PPP2R5C: variants seen among roughly 807,000 people sequenced by gnomAD.
The protein encoded by PPP2R5C is protein phosphatase 2 regulatory subunit B'gamma.
PPP2R5C carries 7 observed loss-of-function variants against 68.9 expected under a neutral mutation model. The observed-to-expected ratio is 0.10, with a 90% CI of 0.06 to 0.19. PPP2R5C has a LOEUF of 0.19. Among genes scored for constraint, PPP2R5C ranks in the 10% least tolerant of loss-of-function variants. PPP2R5C has a pLI of 1.00. For synonymous variants in PPP2R5C, 210 were observed against 222.2 expected (o/e 0.95, Z 0.49); for missense variants, 348 against 641.3 (o/e 0.54, Z 4.94).
At chr14:101,892,398 G>T (rs4900519) in intron 6 of PPP2R5C, among the ~76,000 whole-genome samples, 2 of 139,436 alleles carry the variant, frequency 1.4e-5, no homozygotes, top group Non-Finnish European at 3.1e-5. Context: ...GGGGGGTGGG[G>T]GGGGTCCCAC....
chr14:101,847,524 TA>T (rs2041904118), intron 1 of PPP2R5C, among the ~76,000 whole-genome samples: 1 of 152,198 alleles, frequency 6.6e-6, no homozygotes, highest in Non-Finnish European at 1.5e-5. Context: ...CATATTCTGG[TA>T]GTTTTCTTTT....
chr14:101,797,534 G>C lies in PPP2R5C; in HGVS notation c.259+11351G>C, dbSNP rs1031928325. On this transcript the variant is annotated intron_variant, in intron 3 of 14. Coordinates refer to the PPP2R5C transcript ENST00000328724. This position sits in a 1 kb window ranked among gnomAD's most constrained non-coding sequence, Gnocchi z 4.2. ...CGAGATGGTTGTGGTGTCACCTCTCGTGGGGTGGCCAAAACCCCAGCCAGG... is the reference window on the plus strand; with the variant it reads ...CGAGATGGTTGTGGTGTCACCTCTCCTGGGGTGGCCAAAACCCCAGCCAGG... 3.4e-6 allele frequency: 1 copy of C among 291,424 alleles called. No homozygotes were observed. Among genetic ancestry groups the C allele is most frequent in the South Asian group, 2.9e-5 (1 of 34,782 alleles). The allele number at this position is 291,424 out of a possible 1,614,324, so 18.1% of individuals were successfully genotyped here. A position where few individuals can be genotyped will look rare whatever the true frequency, so the allele number is the denominator to read the frequency against.
In PPP2R5C at chr14:101,887,107, T is replaced by C. The variant is rs191742788; in HGVS notation, c.630-3130T>C. On this transcript the variant is annotated intron_variant, in intron 5 of 13. Transcript: ENST00000334743. ...CATTTTGAACATATTTGGCTCAACT[T>C]AACTGAAAATGTAAATATAAGGTTG... 2.2e-3 allele frequency among the ~76,000 whole-genome samples: 333 copies of C among 152,366 alleles called. 4 individuals are homozygous for C. The highest frequency in any genetic ancestry group is 7.9e-3 in the African/African-American group (327 of 41,594).
upstream of PPP2R5C, among the ~76,000 whole-genome samples, chr14:101,806,560 C>A (rs1461905566): frequency 6.6e-6 from 1 of 152,156 alleles, no homozygotes; most frequent in African/African-American, 2.4e-5. Flanking sequence ...AATAGTGGCA[C>A]AATTTTTAGA....
exon 14 of PPP2R5C, chr14:101,925,741 G>A (rs1329929362): frequency 6.5e-6 from 1 of 153,004 alleles, no homozygotes; most frequent in Admixed American, 6.5e-5. Context: ...AGCAGTTCTC[G>A]TTTTGTTTGT....
chr14:101,886,222 A>G (rs938295822), intron 5 of PPP2R5C, among the ~76,000 whole-genome samples: 3 of 151,902 alleles, frequency 2.0e-5, no homozygotes, highest in Non-Finnish European at 2.9e-5. Context: ...CGGAGCTTAC[A>G]GTGAGCCGAG....
chr14:101,816,135 C>T (rs537074264), intron 1 of PPP2R5C, among the ~76,000 whole-genome samples: 2 of 152,312 alleles, frequency 1.3e-5, no homozygotes, highest in Admixed American at 6.5e-5. Context: ...GCTGAGCAGA[C>T]GTTATACCCA....
At chr14:101,790,661 G>C (rs138460469) in intron 3 of PPP2R5C, among the ~76,000 whole-genome samples, 33 of 152,330 alleles carry the variant, frequency 2.2e-4, no homozygotes, top group African/African-American at 7.2e-4. Context: ...TTCTTAGCTG[G>C]TATGAGTAAC....
upstream of PPP2R5C, among the ~76,000 whole-genome samples, chr14:101,806,097 T>A (rs564648279): frequency 2.4e-3 from 359 of 152,312 alleles, 3 homozygotes; most frequent in Middle Eastern, 0.014. Context: ...TTTTATTTTT[T>A]TGTTTTTATT....
intron 2 of PPP2R5C, among the ~76,000 whole-genome samples, chr14:101,880,612 G>A (rs925355290): frequency 3.9e-5 from 6 of 152,130 alleles, no homozygotes; most frequent in Non-Finnish European, 8.8e-5. Context: ...CATGGGCAAC[G>A]TAGCGAGTTC....
chr14:101,894,269 C>T (rs1263766557), intron 7 of PPP2R5C, among the ~76,000 whole-genome samples: 1 of 152,120 alleles, frequency 6.6e-6, no homozygotes, highest in Non-Finnish European at 1.5e-5. Context: ...ATTGACTTAG[C>T]GGTGGTTAGA....
chr14:101,865,693 A>G (rs2043018015), intron 2 of PPP2R5C, among the ~76,000 whole-genome samples: 1 of 152,104 alleles, frequency 6.6e-6, no homozygotes, highest in African/African-American at 2.4e-5. Context: ...CTTCTGCCTC[A>G]CAGAGCAGCT....
Position 101,925,018 on chromosome 14 carries a change from TGCC to T in PPP2R5C, c.1444-119_1444-117del, listed in dbSNP as rs1452455947. Reference sequence around the variant, plus strand: ...CTACGCCGTTTCCCTGTGGCCAGGGTGCCGCCAGCGAGTGGGTGAGGCACACGT... The same window carrying T: ...CTACGCCGTTTCCCTGTGGCCAGGGTGCCAGCGAGTGGGTGAGGCACACGT... On this transcript the variant is annotated intron_variant, in intron 13 of 13. Transcript: ENST00000334743. The T allele has an allele frequency of 3.8e-5, 41 of 1,089,292 alleles. 3 individuals are homozygous for T. The South Asian group carries it at 5.9e-4, about 16-fold the overall frequency. The allele number at this position is 1,089,292 out of a possible 1,614,324, so 67.5% of individuals were successfully genotyped here. A position where few individuals can be genotyped will look rare whatever the true frequency, so the allele number is the denominator to read the frequency against.
chr14:101,857,808 G>A (rs1214514923), intron 2 of PPP2R5C, among the ~76,000 whole-genome samples: 1 of 152,126 alleles, frequency 6.6e-6, no homozygotes, highest in Admixed American at 6.6e-5. Flanking sequence ...AAAATGTTAA[G>A]TCCAATTTTC....
At chr14:101,760,716 A>G, upstream of PPP2R5C, 12 of 932,246 alleles carry the variant, frequency 1.3e-5, no homozygotes, top group Non-Finnish European at 1.5e-5. Flanking sequence ...GAGCTGCGGA[A>G]AGCTGAGCTG....
At chr14:101,791,411 G>A (rs1399539235) in intron 3 of PPP2R5C, among the ~76,000 whole-genome samples, 1 of 152,102 alleles carries the variant, frequency 6.6e-6, no homozygotes, top group Admixed American at 6.5e-5. Context: ...TGTTTTCCCA[G>A]ATATGAGTCC....
chr14:101,887,160 C>T lies in PPP2R5C; in HGVS notation c.630-3077C>T, dbSNP rs550014789. ...GTTTATTTCTATGGTTTATCATTAC[C>T]GTCAGCTTAAGTGTGAGTTAAACAG... On this transcript the variant is annotated intron_variant, in intron 5 of 13. Coordinates refer to ENST00000334743, the Ensembl canonical transcript of PPP2R5C. 2.6e-5 allele frequency among the ~76,000 whole-genome samples: 4 copies of T among 152,314 alleles called. No homozygotes were observed. The South Asian group carries it at 8.3e-4, about 32-fold the overall frequency.
At chr14:101,892,665 G>A (rs113532914) in intron 6 of PPP2R5C, among the ~76,000 whole-genome samples, 7 of 151,982 alleles carry the variant, frequency 4.6e-5, no homozygotes, top group African/African-American at 9.7e-5. Context: ...AAGAATCCTC[G>A]GATTTCCCTC....
chr14:101,885,911 A>G (rs1173294799), intron 5 of PPP2R5C, among the ~76,000 whole-genome samples: 6 of 152,240 alleles, frequency 3.9e-5, no homozygotes, highest in Admixed American at 3.9e-4. Flanking sequence ...TCTACCTAAC[A>G]TATTTCTGTT....
Sources: allele counts gnomAD v4.1 joint callset (sites outside exome capture counted in the v4.1 genomes callset), GRCh38; gene constraint gnomAD v4.1.1; non-coding constraint Gnocchi (gnomAD v3.1); transcripts MANE v1.5; gene names NCBI Gene and HGNC (gene_info 2026-07-23, HGNC 2026-07-21).